RANBP10: variants seen among roughly 807,000 people sequenced by gnomAD.
RANBP10 encodes the protein RAN binding protein 10, also known as ran-binding protein 10.
In RANBP10, 24 loss-of-function variants were observed where a neutral mutation model predicts 72.8. The observed-to-expected ratio is 0.33, with a 90% CI of 0.24 to 0.46. The LOEUF is 0.46. RANBP10 is among the 20% of genes least tolerant of loss of function. RANBP10 has a pLI of 1.00. For missense variants in RANBP10, 679 were observed against 817.5 expected, an observed-to-expected ratio of 0.83 and a Z score of 2.07; for synonymous variants, 310 against 322.3, an observed-to-expected ratio of 0.96 and a Z score of 0.41.
intron 4 of RANBP10, chr16:67,744,003 G>A (rs1249454570): frequency 2.4e-6 from 2 of 847,140 alleles, no homozygotes; most frequent in African/African-American, 1.8e-5. Flanking sequence ...CTCATCCAAC[G>A]CCAAACCTTG....
At position 67,725,607 on chromosome 16, in the gene RANBP10, CCT is replaced by C. The variant is rs1462844651; in HGVS notation, c.*819_*820del. On this transcript the variant is annotated 3_prime_UTR_variant, in exon 14 of 14. Coordinates refer to ENST00000317506, the MANE Select transcript of RANBP10 (RefSeq NM_020850.3). The stretch of plus-strand genomic sequence containing the variant: ...GGTAGATAGTGTGCTGGCCAAGGAC[CCT>C]CTACCTCTGCTGTGTGGCCCTGGGC... The C allele has an allele frequency of 6.6e-6, 1 of 152,336 alleles. No homozygotes were observed. The highest frequency in any genetic ancestry group is 2.4e-5 in the African/African-American group (1 of 41,412). The allele number at this position is 152,336 out of a possible 1,614,324, so 9.4% of individuals were successfully genotyped here. A position where few individuals can be genotyped will look rare whatever the true frequency, so the allele number is the denominator to read the frequency against.
intron 7 of RANBP10, chr16:67,731,264 G>T (rs2053724380): frequency 1.9e-6 from 1 of 520,720 alleles, no homozygotes; most frequent in Non-Finnish European, 3.5e-6. Context: ...CATTAGGGAG[G>T]CTGCCCTGAG....
intron 3 of RANBP10, among the ~76,000 whole-genome samples, chr16:67,765,428 A>T (rs1268367330): frequency 6.6e-6 from 1 of 152,128 alleles, no homozygotes; most frequent in Admixed American, 6.5e-5. Flanking sequence ...CGGGAGGCTG[A>T]GGCAGGAGAA....
chr16:67,795,268 G>A (rs911188311), intron 2 of RANBP10, among the ~76,000 whole-genome samples: 8 of 150,676 alleles, frequency 5.3e-5, no homozygotes, highest in Admixed American at 2.0e-4. Flanking sequence ...GGCTGGGTGC[G>A]GTGGTCCACA....
intron 3 of RANBP10, among the ~76,000 whole-genome samples, chr16:67,747,307 C>A (rs893082613): frequency 3.3e-5 from 5 of 152,088 alleles, no homozygotes; most frequent in Non-Finnish European, 7.4e-5. Context: ...TTCATGTACT[C>A]ATTTGCCACC....
chr16:67,729,550 A>G lies in RANBP10; in HGVS notation c.1148-66T>C. On this transcript the variant is annotated intron_variant, in intron 9 of 13. Coordinates refer to ENST00000317506, the MANE Select transcript of RANBP10 (RefSeq NM_020850.3). This position sits in a 1 kb window ranked among gnomAD's most constrained non-coding sequence, Gnocchi z 7.1. The stretch of plus-strand genomic sequence containing the variant: ...CCCATGAAATGAAGCCCCAAGAACA[A>G]CCACAGTGGTCCCATTTCCCTTCTC... 6.4e-7 allele frequency: 1 copy of G among 1,569,434 alleles called. No individual in the cohort carries two copies. The highest frequency in any genetic ancestry group is 1.2e-5 in the South Asian group (1 of 84,584).
chr16:67,762,733 T>C (rs1365103376), intron 3 of RANBP10: 1 of 152,266 alleles, frequency 6.6e-6, no homozygotes, highest in East Asian at 1.9e-4. Context: ...GGCCGCAGGC[T>C]GATGGAGCCT....
chr16:67,800,705 C>G (rs546846595), intron 2 of RANBP10, among the ~76,000 whole-genome samples: 1 of 152,324 alleles, frequency 6.6e-6, no homozygotes, highest in Admixed American at 6.5e-5. Flanking sequence ...TGAAGCCCAT[C>G]AGTCTGTGCC....
At chr16:67,786,146 T>C (rs776316551) in intron 2 of RANBP10, among the ~76,000 whole-genome samples, 1 of 151,012 alleles carries the variant, frequency 6.6e-6, no homozygotes, top group South Asian at 2.1e-4. Context: ...CTAGGCAACA[T>C]GGCAAGACCC....
intron 3 of RANBP10, among the ~76,000 whole-genome samples, chr16:67,761,915 C>A (rs2054402263): frequency 6.6e-6 from 1 of 151,916 alleles, no homozygotes; most frequent in African/African-American, 2.4e-5. Context: ...TAGGTACTTC[C>A]TTCTTCAGGT....
intron 3 of RANBP10, among the ~76,000 whole-genome samples, chr16:67,756,745 T>C (rs1175383062): frequency 6.6e-6 from 1 of 152,018 alleles, no homozygotes; most frequent in Non-Finnish European, 1.5e-5. Flanking sequence ...CCCAAAAAGC[T>C]AGCCTGAGCA....
chr16:67,766,424 T>C (rs1301038012), intron 3 of RANBP10, among the ~76,000 whole-genome samples: 2 of 152,180 alleles, frequency 1.3e-5, no homozygotes, highest in Non-Finnish European at 2.9e-5. Context: ...TTCTCAATGA[T>C]GGAATGGAGC....
chr16:67,781,378 G>A (rs1430645477), intron 2 of RANBP10, among the ~76,000 whole-genome samples: 3 of 152,204 alleles, frequency 2.0e-5, no homozygotes, highest in Admixed American at 1.3e-4. Context: ...ACCTGCCTGG[G>A]TCAGCCTGGG....
intron 6 of RANBP10, among the ~76,000 whole-genome samples, chr16:67,734,312 G>A (rs921331710): frequency 6.6e-6 from 1 of 152,244 alleles, no homozygotes; most frequent in African/African-American, 2.4e-5. Flanking sequence ...GAAACCCAAA[G>A]CTGGCCTCCC....
Position 67,806,479 on chromosome 16 carries a change from C to G in RANBP10, c.58G>C (p.Gly20Arg). The change falls in exon 1 of 14, where the codon GGC becomes CGC. Residue 20 changes from glycine (G) to arginine (R), a missense_variant. By Grantham distance (125) the Gly-to-Arg change is moderately radical. Transcript: ENST00000317506. ...GGCAGCCCGCCCCCAGCGCCCCCGC[C>G]GGAGGAGTCCCCAGGCTGCGGGTTC... ...AGNPQPGDSS[G>R]GGAGGGLPSP... The G allele has an allele frequency of 5.8e-6, 9 of 1,548,388 alleles. No homozygotes were observed. Among genetic ancestry groups the G allele is most frequent in the Non-Finnish European group, 7.8e-6 (9 of 1,152,620 alleles).
chr16:67,740,919 A>G (rs1343553953), intron 4 of RANBP10, among the ~76,000 whole-genome samples: 3 of 152,078 alleles, frequency 2.0e-5, no homozygotes, highest in Non-Finnish European at 4.4e-5. Context: ...GAAGACCCCA[A>G]TGTCCACCCT....
chr16:67,736,763 T>C (rs112338147), intron 5 of RANBP10, among the ~76,000 whole-genome samples: 15 of 152,350 alleles, frequency 9.8e-5, no homozygotes, highest in African/African-American at 3.6e-4. Flanking sequence ...CCTGATTCTG[T>C]TCTCTTTGCC....
chr16:67,727,921 CGT>C (rs1567670324), intron 11 of RANBP10, 25 bp from the exon 12 acceptor site: 2 of 1,612,810 alleles, frequency 1.2e-6, no homozygotes, highest in Non-Finnish European at 1.7e-6. Flanking sequence ...CAGTGGAGAA[CGT>C]GTTAGGAGGG....
At chr16:67,767,334 G>A (rs1407538022) in intron 3 of RANBP10, among the ~76,000 whole-genome samples, 1 of 151,810 alleles carries the variant, frequency 6.6e-6, no homozygotes, top group Non-Finnish European at 1.5e-5. Flanking sequence ...GTATACACCT[G>A]TAGTCCCAGC....
Sources: allele counts gnomAD v4.1 joint callset (sites outside exome capture counted in the v4.1 genomes callset), GRCh38; gene constraint gnomAD v4.1.1; non-coding constraint Gnocchi (gnomAD v3.1); transcripts MANE v1.5; gene names NCBI Gene and HGNC (gene_info 2026-07-23, HGNC 2026-07-21).